CTNNA3: variants seen among roughly 807,000 people sequenced by gnomAD.
The protein encoded by CTNNA3 is catenin alpha-3.
CTNNA3 carries 76 observed loss-of-function variants against 95.7 expected under a neutral mutation model. That is an observed-to-expected ratio of 0.79 (90% CI 0.66 to 0.96). CTNNA3 has a LOEUF of 0.96. Among genes scored for constraint, CTNNA3 ranks in the 40% least tolerant of loss-of-function variants. The pLI, the probability that CTNNA3 is intolerant of heterozygous loss-of-function variation, is 0.00. For synonymous variants in CTNNA3, 431 were observed against 374.4 expected, an observed-to-expected ratio of 1.15 and a Z score of -1.74; for missense variants, 1,191 against 1,089.8, an observed-to-expected ratio of 1.09 and a Z score of -1.31.
intron 7 of CTNNA3, among the ~76,000 whole-genome samples, chr10:66,999,333 T>C (rs866312192): frequency 1.3e-5 from 2 of 152,152 alleles, no homozygotes; most frequent in Non-Finnish European, 2.9e-5. Flanking sequence ...GAAATTATCA[T>C]GGGCCTTCTG....
intron 7 of CTNNA3, among the ~76,000 whole-genome samples, chr10:67,096,028 C>A (rs1020368078): frequency 6.6e-6 from 1 of 151,736 alleles, no homozygotes; most frequent in East Asian, 1.9e-4. Flanking sequence ...TTCATTCACG[C>A]ATCAGATAAC....
At chr10:67,258,875 C>A (rs1297851453) in intron 5 of CTNNA3, among the ~76,000 whole-genome samples, 1 of 152,098 alleles carries the variant, frequency 6.6e-6, no homozygotes, top group Admixed American at 6.6e-5. Flanking sequence ...CCACTGATAC[C>A]AGAATTCTCA....
chr10:67,461,682 C>A (rs898538977), intron 5 of CTNNA3, among the ~76,000 whole-genome samples: 2 of 152,176 alleles, frequency 1.3e-5, no homozygotes, highest in Non-Finnish European at 1.5e-5. Flanking sequence ...CATAAAATCT[C>A]TATTCCTCTT....
At chr10:66,041,494 G>C (rs149447034) in intron 15 of CTNNA3, among the ~76,000 whole-genome samples, 23 of 152,324 alleles carry the variant, frequency 1.5e-4, no homozygotes, top group African/African-American at 5.1e-4. Context: ...GCAATGTGTA[G>C]ATGAGTGCTC....
intron 7 of CTNNA3, among the ~76,000 whole-genome samples, chr10:66,936,939 G>C (rs1389221079): frequency 6.6e-6 from 1 of 152,162 alleles, no homozygotes; most frequent in East Asian, 1.9e-4. Flanking sequence ...GTTGGGGAAA[G>C]TTCTTCTTAG....
chr10:66,235,396 T>G (rs1248375702), intron 13 of CTNNA3, among the ~76,000 whole-genome samples: 2 of 151,220 alleles, frequency 1.3e-5, no homozygotes, highest in African/African-American at 4.8e-5. Flanking sequence ...ATTAATATTC[T>G]ATTACATATA....
At chr10:66,040,526 C>A (rs1157012514) in intron 15 of CTNNA3, among the ~76,000 whole-genome samples, 1 of 151,784 alleles carries the variant, frequency 6.6e-6, no homozygotes, top group Non-Finnish European at 1.5e-5. Flanking sequence ...TACATATACA[C>A]CATGGAATAC....
chr10:67,575,756 C>A (rs1842122141), intron 3 of CTNNA3, among the ~76,000 whole-genome samples: 1 of 152,172 alleles, frequency 6.6e-6, no homozygotes, highest in African/African-American at 2.4e-5. Context: ...TTTCATCTGT[C>A]AACACCCTTC....
chr10:67,203,277 T>C (rs1863728743), intron 6 of CTNNA3, among the ~76,000 whole-genome samples: 2 of 152,212 alleles, frequency 1.3e-5, no homozygotes, highest in Admixed American at 1.3e-4. Context: ...CGAGATCTGA[T>C]GGTTTTATAA....
chr10:67,684,561 C>T (rs183149540), intron 1 of CTNNA3, among the ~76,000 whole-genome samples: 13 of 152,306 alleles, frequency 8.5e-5, no homozygotes, highest in Non-Finnish European at 1.6e-4. Context: ...GGGAATTGGG[C>T]GATGACCGCT....
intron 7 of CTNNA3, among the ~76,000 whole-genome samples, chr10:66,986,272 C>A (rs1361482762): frequency 6.6e-6 from 1 of 152,000 alleles, no homozygotes; most frequent in African/African-American, 2.4e-5. Flanking sequence ...CCGAGGCAGG[C>A]AGTTCACTTG....
intron 17 of CTNNA3, among the ~76,000 whole-genome samples, chr10:65,958,221 G>A (rs2077771673): frequency 6.6e-6 from 1 of 152,074 alleles, no homozygotes; most frequent in African/African-American, 2.4e-5. Context: ...TCGTGCCATG[G>A]TTTTCAGCTC....
chr10:66,266,111 G>GGAAGGAAGGAAGGAAA lies in CTNNA3; in HGVS notation c.1884+14343_1884+14358dup, dbSNP rs545898962. Among the ~76,000 whole-genome samples, 104 of 146,746 alleles carry GGAAGGAAGGAAGGAAA rather than the reference G, an allele frequency of 7.1e-4. 1 individual carries two copies. Among genetic ancestry groups the GGAAGGAAGGAAGGAAA allele is most frequent in the African/African-American group, 2.2e-3 (86 of 39,254 alleles). On this transcript the variant is annotated intron_variant, in intron 13 of 17. Transcript: ENST00000433211. ...GGGGGGAGAGAAAGAGAGGGAGGAA[G>GGAAGGAAGGAAGGAAA]GAAGGAAGGAAGGAAAGAAGGAAGG...
intron 12 of CTNNA3, among the ~76,000 whole-genome samples, chr10:66,350,475 G>A (rs1301716788): frequency 1.3e-5 from 2 of 151,860 alleles, no homozygotes; most frequent in Non-Finnish European, 2.9e-5. Flanking sequence ...ATCTGAGTAA[G>A]GGCAAGAGAT....
In CTNNA3 at chr10:66,470,956, T is replaced by C. The variant is rs1589295387; in HGVS notation, c.1531+49661A>G. Among the ~76,000 whole-genome samples the C allele has an allele frequency of 2.0e-5, 3 of 152,024 alleles. No individual in the cohort carries two copies. In the East Asian group the frequency reaches 5.8e-4, roughly 29 times the overall value. ...GAGAAGCTTGCCATCAACTTAACTT[T>C]TACCAGCTTAAAATGGATTGTTTGT... is the stretch of plus-strand genomic sequence containing the variant. On this transcript the variant is annotated intron_variant, in intron 11 of 17. Transcript: ENST00000433211.
chr10:66,607,472 CAAAAAA>C (rs574854850), intron 10 of CTNNA3, among the ~76,000 whole-genome samples: 13 of 45,288 alleles, frequency 2.9e-4, no homozygotes, highest in Admixed American at 1.3e-3. Flanking sequence ...CAGAGACAAC[CAAAAAA>C]AAAAAAAAAA....
intron 5 of CTNNA3, among the ~76,000 whole-genome samples, chr10:67,274,096 G>A (rs1285693044): frequency 6.6e-6 from 1 of 152,082 alleles, no homozygotes; most frequent in African/African-American, 2.4e-5. Flanking sequence ...ATTAAAAGCA[G>A]AAAACAAATC....
chr10:66,422,293 G>T (rs2132636399), intron 11 of CTNNA3, among the ~76,000 whole-genome samples: 1 of 152,144 alleles, frequency 6.6e-6, no homozygotes, highest in Non-Finnish European at 1.5e-5. Flanking sequence ...TTCCTCAGTA[G>T]CTCTTGCTAA....
At position 66,927,517 on chromosome 10, in the gene CTNNA3, T is replaced by C. The variant is rs1374154216; in HGVS notation, c.1048-151993A>G. On this transcript the variant is annotated intron_variant, in intron 7 of 17. Coordinates refer to ENST00000433211, the MANE Select transcript of CTNNA3 (RefSeq NM_013266.4). This position sits in a 1 kb window ranked among gnomAD's most constrained non-coding sequence, Gnocchi z 4.7. Reference sequence around the variant, plus strand: ...GATCCGAAGTTTAGCCAGGAATGTCTTTGCTGGCATGATCAGACTCAAAGA... The same window carrying C: ...GATCCGAAGTTTAGCCAGGAATGTCCTTGCTGGCATGATCAGACTCAAAGA... 1 of 1,614,178 alleles carries C rather than the reference T, an allele frequency of 6.2e-7. No individual in the cohort carries two copies. Among genetic ancestry groups the C allele is most frequent in the Admixed American group, 1.7e-5 (1 of 60,022 alleles).
Sources: gnomAD v4.1 joint callset for allele counts (sites outside exome capture counted in the v4.1 genomes callset) on GRCh38, gnomAD v4.1.1 for gene constraint, Gnocchi (gnomAD v3.1) non-coding constraint, MANE v1.5 for transcripts, NCBI Gene and HGNC (gene_info 2026-07-23, HGNC 2026-07-21) for gene names.